NEDD4L: variants seen among roughly 807,000 people sequenced by gnomAD.
NEDD4L encodes the protein E3 ubiquitin-protein ligase NEDD4-like.
A neutral mutation model predicts 148.9 loss-of-function variants in NEDD4L; 54 were observed. The ratio of observed to expected loss-of-function variants is 0.36; its 90% CI spans 0.29 to 0.45. The LOEUF (loss-of-function observed/expected upper bound fraction) is 0.45. Ranked by LOEUF, NEDD4L falls within the 20% of genes least tolerant of loss-of-function variation. The pLI is 1.00. For synonymous variants in NEDD4L, 433 were observed against 440.7 expected (o/e 0.98, Z 0.22); for missense variants, 856 against 1,233.8 (o/e 0.69, Z 4.59).
At chr18:58,155,492 C>T (rs2035372713) in intron 1 of NEDD4L, among the ~76,000 whole-genome samples, 1 of 152,120 alleles carries the variant, frequency 6.6e-6, no homozygotes, top group Admixed American at 6.5e-5. Context: ...GTTTATCTTG[C>T]TAGTGAGTCT....
chr18:58,202,625 C>T (rs1248289883), intron 2 of NEDD4L, among the ~76,000 whole-genome samples: 6 of 152,238 alleles, frequency 3.9e-5, no homozygotes, highest in Admixed American at 3.3e-4. Flanking sequence ...CTCCAGCCTG[C>T]CTGTCCTGTT....
At chr18:58,236,745 T>C (rs1324641109) in intron 2 of NEDD4L, among the ~76,000 whole-genome samples, 1 of 152,122 alleles carries the variant, frequency 6.6e-6, no homozygotes, top group Non-Finnish European at 1.5e-5. Context: ...TGTCATTGGC[T>C]GGGCGCTGCG....
intron 1 of NEDD4L, among the ~76,000 whole-genome samples, chr18:58,107,632 T>A (rs2085144481): frequency 6.6e-6 from 1 of 151,242 alleles, no homozygotes; most frequent in African/African-American, 2.4e-5. Flanking sequence ...GGTGGGAGGA[T>A]CACTGGAGCC....
chr18:58,328,759 C>CA (rs2059537431), intron 9 of NEDD4L, among the ~76,000 whole-genome samples: 1 of 152,158 alleles, frequency 6.6e-6, no homozygotes, highest in Non-Finnish European at 1.5e-5. Flanking sequence ...GAAAGATGCT[C>CA]AAAATGGTGT....
intron 16 of NEDD4L, among the ~76,000 whole-genome samples, chr18:58,345,100 C>A (rs1171565907): frequency 6.6e-6 from 1 of 152,242 alleles, no homozygotes; most frequent in African/African-American, 2.4e-5. Flanking sequence ...TACCCAGATA[C>A]TTGTTATTGA....
intron 1 of NEDD4L, among the ~76,000 whole-genome samples, chr18:58,083,155 C>G (rs562608057): frequency 1.3e-5 from 2 of 152,196 alleles, no homozygotes; most frequent in African/African-American, 4.8e-5. Context: ...ACTGAATGAA[C>G]AGAAAAGATC....
chr18:58,251,744 T>C (rs2047969042), intron 4 of NEDD4L, among the ~76,000 whole-genome samples: 1 of 152,310 alleles, frequency 6.6e-6, no homozygotes, highest in East Asian at 1.9e-4. Context: ...TTTACAACTA[T>C]CCTTTCTTAT....
At chr18:58,328,179 C>T (rs768838206) in intron 9 of NEDD4L, among the ~76,000 whole-genome samples, 16 of 152,010 alleles carry the variant, frequency 1.1e-4, no homozygotes, top group South Asian at 2.1e-4. Flanking sequence ...TGGCCAGGTA[C>T]GTCTTGAGCT....
intron 20 of NEDD4L, 50 bp downstream of exon 20, chr18:58,364,383 T>TA (rs2045866682): frequency 7.8e-6 from 9 of 1,155,674 alleles, no homozygotes; most frequent in Non-Finnish European, 1.1e-5. Context: ...ATTTGTAAGT[T>TA]ACCACAGTCA....
intron 2 of NEDD4L, chr18:58,227,851 A>C: frequency 1.0e-6 from 1 of 981,018 alleles, no homozygotes. Context: ...TTGCTGTTGA[A>C]CTTTTTTTTG....
chr18:58,082,102 A>ATATATATATATATATTTTTTTT, intron 1 of NEDD4L, among the ~76,000 whole-genome samples: 2 of 48,854 alleles, frequency 4.1e-5, no homozygotes, highest in African/African-American at 1.3e-4. Flanking sequence ...ATATATATAT[A>ATATATATATATATATTTTTTTT]TTTTTTTTTT....
At chr18:58,150,672 TAGC>T (rs2034612270) in intron 1 of NEDD4L, among the ~76,000 whole-genome samples, 1 of 152,234 alleles carries the variant, frequency 6.6e-6, no homozygotes, top group Admixed American at 6.5e-5. Context: ...TGCAGAGAAG[TAGC>T]AGGGAGGACT....
intron 1 of NEDD4L, among the ~76,000 whole-genome samples, chr18:58,162,631 G>T (rs529240451): frequency 1.3e-5 from 2 of 150,558 alleles, no homozygotes; most frequent in African/African-American, 4.9e-5. Context: ...TAGATGGTGG[G>T]TTGCTTGAGG....
At chr18:58,047,994 C>T (rs779931883) in intron 1 of NEDD4L, among the ~76,000 whole-genome samples, 11 of 152,138 alleles carry the variant, frequency 7.2e-5, no homozygotes, top group South Asian at 2.1e-4. Context: ...TAAGTAATTT[C>T]GTTAGTAGTT....
intron 24 of NEDD4L, among the ~76,000 whole-genome samples, chr18:58,382,324 A>G (rs1196711132): frequency 1.3e-5 from 2 of 152,174 alleles, no homozygotes; most frequent in Non-Finnish European, 2.9e-5. Context: ...TGGAACCTCC[A>G]TCCCTCCTGG....
chr18:58,379,567 T>A (rs1406972896), intron 24 of NEDD4L, among the ~76,000 whole-genome samples: 1 of 152,066 alleles, frequency 6.6e-6, no homozygotes, highest in Non-Finnish European at 1.5e-5. Flanking sequence ...GAGGCGAGCA[T>A]TAGAGTCAGA....
intron 24 of NEDD4L, among the ~76,000 whole-genome samples, chr18:58,378,051 G>T (rs573511704): frequency 2.0e-5 from 3 of 152,320 alleles, no homozygotes; most frequent in African/African-American, 7.2e-5. Flanking sequence ...GGCCTGATTT[G>T]ATTGTTTTGA....
chr18:58,088,146 G>A (rs2083862001), intron 1 of NEDD4L, among the ~76,000 whole-genome samples: 1 of 152,230 alleles, frequency 6.6e-6, no homozygotes, highest in African/African-American at 2.4e-5. Flanking sequence ...TCACTACAGG[G>A]CAGCTGACTT....
At chr18:58,320,215 T>C (rs1389855495) in intron 6 of NEDD4L, among the ~76,000 whole-genome samples, 2 of 152,226 alleles carry the variant, frequency 1.3e-5, no homozygotes, top group East Asian at 3.9e-4. Context: ...GTAGGCTTTG[T>C]CATACTGTTT....
Sources: gnomAD v4.1 joint callset for allele counts (sites outside exome capture counted in the v4.1 genomes callset) on GRCh38, gnomAD v4.1.1 for gene constraint, MANE v1.5 for transcripts, NCBI Gene and HGNC (gene_info 2026-07-23, HGNC 2026-07-21) for gene names.